HPS5: variants seen among roughly 807,000 people sequenced by gnomAD.
HPS5 encodes the protein BLOC-2 complex member HPS5.
HPS5 carries 83 observed loss-of-function variants against 128.0 expected under a neutral mutation model. That is an observed-to-expected ratio of 0.65 (90% confidence interval 0.54 to 0.78). HPS5 has a LOEUF of 0.78. Among genes scored for constraint, HPS5 ranks in the 30% least tolerant of loss-of-function variants. The pLI is 0.00. For missense variants in HPS5, 1,281 were observed against 1,326.2 expected, an observed-to-expected ratio of 0.97 and a Z score of 0.53; for synonymous variants, 475 against 470.2, an observed-to-expected ratio of 1.01 and a Z score of -0.13.
At chr11:18,297,810 T>A in intron 10 of HPS5, 93 bp from the exon 11 acceptor site, 2 of 1,244,794 alleles carry the variant, frequency 1.6e-6, no homozygotes, top group East Asian at 2.4e-5. Flanking sequence ...CCGGGCACGG[T>A]GGCTCACGCC....
At chr11:18,311,694 G>A (rs2133861608) in intron 3 of HPS5, 1 of 569,974 alleles carries the variant, frequency 1.8e-6, no homozygotes, top group Non-Finnish European at 3.1e-6. Context: ...TGTTTTTAGT[G>A]GAGACGGGGT....
At chr11:18,320,430 TC>T (rs1864185176) in intron 1 of HPS5, among the ~76,000 whole-genome samples, 1 of 152,192 alleles carries the variant, frequency 6.6e-6, no homozygotes, top group African/African-American at 2.4e-5. Flanking sequence ...GCACTCACTC[TC>T]ATGAAGCTGC....
rs1425286932 is a variant in HPS5 at position 18,300,949 on chromosome 11, T to C, written c.897-33A>G. The C allele has an allele frequency of 4.7e-6, 6 of 1,272,088 alleles. No individual in the cohort carries two copies. The East Asian group carries it at 1.4e-4, about 29-fold the overall frequency. 78.8% of individuals were successfully genotyped at this position (1,272,088 alleles called of 1,614,324 possible). Reference sequence around the variant, plus strand: ...AGAAGAAGTGAAGAGAATTCAAGTGTGCTAGGATACAAAAGTTTATAATTC... The same window carrying C: ...AGAAGAAGTGAAGAGAATTCAAGTGCGCTAGGATACAAAAGTTTATAATTC... On this transcript the variant is annotated intron_variant, in intron 8 of 22. Coordinates refer to ENST00000349215, the MANE Select transcript of HPS5 (RefSeq NM_181507.2).
rs1194175926 is a variant in HPS5, at chr11:18,287,981, T to C, written c.2473A>G (p.Met825Val). ...MASSNPVYME[M>V]EKGDLPTRLK... The stretch of plus-strand genomic sequence containing the variant: ...CTTGTTGGTAGATCTCCTTTTTCCA[T>C]CTCCATATACACAGGATTGGAACTT... Residue 825 changes from methionine (M) to valine (V), a missense_variant, in exon 17 of 23, where the codon ATG becomes GTG. By Grantham distance (21) the Met-to-Val change is conservative. Transcript: ENST00000349215. 6.2e-7 allele frequency: 1 copy of C among 1,613,738 alleles called. No individual in the cohort carries two copies. Among genetic ancestry groups the C allele is most frequent in the South Asian group, 1.1e-5 (1 of 91,080 alleles).
chr11:18,298,775 G>C lies in HPS5; in HGVS notation c.1164+17C>G, dbSNP rs372186947. 7.7e-5 allele frequency: 124 copies of C among 1,613,166 alleles called. No homozygotes were observed. In the Admixed American group the frequency reaches 9.8e-4, roughly 13 times the overall value. ...CACCAATCCATGGTAAAGATGTCTAGGTAAGCTCTGACTCACTCTGCTGGC... is the reference window on the plus strand; with the variant it reads ...CACCAATCCATGGTAAAGATGTCTACGTAAGCTCTGACTCACTCTGCTGGC... On this transcript the variant is annotated intron_variant, in intron 10 of 22. Coordinates refer to ENST00000349215, the MANE Select transcript of HPS5 (RefSeq NM_181507.2).
intron 14 of HPS5, among the ~76,000 whole-genome samples, chr11:18,293,269 C>T (rs1232735462): frequency 6.6e-6 from 1 of 152,094 alleles, no homozygotes; most frequent in Admixed American, 6.6e-5. Flanking sequence ...CCCAGGTTCA[C>T]ACCATTCTCC....
chr11:18,301,499 T>G (rs963422802), intron 8 of HPS5, among the ~76,000 whole-genome samples: 165 of 147,182 alleles, frequency 1.1e-3, no homozygotes, highest in Non-Finnish European at 2.2e-3. Flanking sequence ...AAGGCTGGTA[T>G]CTGGAAAAAG....
rs528772619 is a variant in HPS5 at position 18,311,517 on chromosome 11, T to A, written c.220-66A>T. On this transcript the variant is annotated intron_variant, in intron 3 of 22. Transcript: ENST00000349215. The stretch of plus-strand genomic sequence containing the variant: ...TTACATTATTATTATTATTATTTTT[T>A]TTTTTTTTTTTGAGACTGAGTCTCG... 3.6e-3 allele frequency: 3,237 copies of A among 893,036 alleles called. 9 individuals are homozygous for A. The highest frequency in any genetic ancestry group is 6.2e-3 in the South Asian group (276 of 44,654). The allele number at this position is 893,036 out of a possible 1,614,324, so 55.3% of individuals were successfully genotyped here.
rs749425950 is a variant in HPS5 at position 18,295,110 on chromosome 11, T to C, written c.1694A>G (p.Asp565Gly). 3.1e-6 allele frequency: 5 copies of C among 1,614,168 alleles called. No homozygotes were observed. Among genetic ancestry groups the C allele is most frequent in the Non-Finnish European group, 2.5e-6 (3 of 1,180,004 alleles). ...EKIGTLHTSP[D>G]LKVRPELRGD... ...CCTGAGCTCTGGTCTCACTTTCAGA[T>C]CAGGGCTCGTGTGAAGGGTGCCAAT... The change falls in exon 14 of 23, where the codon GAT becomes GGT. Residue 565 changes from aspartate (D) to glycine (G), a missense_variant. Asp to Gly is a moderately conservative substitution (Grantham distance 94, BLOSUM62 -1). Transcript: ENST00000349215.
At position 18,311,508 on chromosome 11, in the gene HPS5, A is replaced by ATTTTT. The variant is rs778669578; in HGVS notation, c.220-58_220-57insAAAAA. The ATTTTT allele has an allele frequency of 1.2e-4, 94 of 780,056 alleles. 1 individual carries two copies. The highest frequency in any genetic ancestry group is 1.7e-4 in the African/African-American group (8 of 46,204). 48.3% of individuals were successfully genotyped at this position (780,056 alleles called of 1,614,324 possible). On this transcript the variant is annotated intron_variant, in intron 3 of 22. Transcript: ENST00000349215. ...TCTCAAGTTTTACATTATTATTATT[A>ATTTTT]TTATTTTTTTTTTTTTTTTTGAGAC...
At chr11:18,308,794 T>C (rs796318065) in intron 6 of HPS5, 152 bp downstream of exon 6, 67 of 705,600 alleles carry the variant, frequency 9.5e-5, no homozygotes, top group Middle Eastern at 3.0e-4. Context: ...CCAGCCTGAG[T>C]GACAGAGTGA....
rs200872830 is a variant in HPS5, at chr11:18,291,513, G to C, written c.2369C>G (p.Ala790Gly). ...GTAACTAAGCTTGATACTCTCCTTCGCTCTTTTCAAGTTCAGGAGAAAAAA... is the reference window on the plus strand; with the variant it reads ...GTAACTAAGCTTGATACTCTCCTTCCCTCTTTTCAAGTTCAGGAGAAAAAA... ...KYFFLLNLKRAKESIKLSYSN... is the reference protein window; with the variant it reads ...KYFFLLNLKRGKESIKLSYSN... The change falls in exon 16 of 23, where the codon GCG (alanine) becomes GGG (glycine). Residue 790 changes from alanine (A) to glycine (G), a missense_variant. Coordinates refer to ENST00000349215, the MANE Select transcript of HPS5 (RefSeq NM_181507.2). The C allele has an allele frequency of 1.2e-6, 2 of 1,611,874 alleles. No individual in the cohort carries two copies. Among genetic ancestry groups the C allele is most frequent in the African/African-American group, 1.3e-5 (1 of 74,872 alleles).
chr11:18,316,714 G>A (rs186724234), intron 2 of HPS5, among the ~76,000 whole-genome samples: 10 of 152,312 alleles, frequency 6.6e-5, no homozygotes, highest in Non-Finnish European at 8.8e-5. Flanking sequence ...AAGTTGCCTT[G>A]GGGAATGCTC....
At chr11:18,305,778 G>A (rs1263471798) in intron 7 of HPS5, among the ~76,000 whole-genome samples, 3 of 148,310 alleles carry the variant, frequency 2.0e-5, no homozygotes, top group Non-Finnish European at 3.0e-5. Context: ...TGTCACCCAC[G>A]CTGGAGTGCA....
chr11:18,311,776 G>A, intron 3 of HPS5, 138 bp downstream of exon 3: 1 of 761,974 alleles, frequency 1.3e-6, no homozygotes, highest in Admixed American at 2.0e-5. Context: ...CTCCCAAAAT[G>A]CTGGGATTAC....
rs767524835 is a variant in HPS5 at position 18,306,231 on chromosome 11, G to C, written c.728C>G (p.Ser243Cys). The change falls in exon 7 of 23, where the codon TCT (serine) becomes TGT (cysteine). Residue 243 changes from serine to cysteine, a missense_variant. Physicochemically the swap from Ser to Cys is moderately radical, Grantham distance 112. Transcript: ENST00000349215. ...QPLIYCARPG[S>C]RMWEVNFDGE... Reference sequence around the variant, plus strand: ...ATCAAAGTTCACTTCCCACATCCTAGAGCCTGGGCGAGCACAATATATCAG... The same window carrying C: ...ATCAAAGTTCACTTCCCACATCCTACAGCCTGGGCGAGCACAATATATCAG... 1.6e-5 allele frequency: 26 copies of C among 1,613,900 alleles called. No individual in the cohort carries two copies. In the East Asian group the frequency reaches 4.0e-4, roughly 25 times the overall value.
chr11:18,283,848 GC>G lies in HPS5; in HGVS notation c.3004del (p.Ala1002ProfsTer8), dbSNP rs1564926605. ...ATTCAGATACACAATATTGGTGAAG[GC>G]CTCTCTTCTTCTCTCCAGCTCCAAA... ...LCLELERRRE[A>X]FTNIVYLNDM... is the part of the protein sequence containing the mutation. On this transcript the variant is annotated frameshift_variant, in exon 21 of 23. Coordinates refer to ENST00000349215, the MANE Select transcript of HPS5 (RefSeq NM_181507.2). LOFTEE classifies it high-confidence loss of function. 6.2e-7 allele frequency: 1 copy of G among 1,613,266 alleles called. No individual in the cohort carries two copies. Among genetic ancestry groups the G allele is most frequent in the East Asian group, 2.2e-5 (1 of 44,858 alleles).
Position 18,288,167 on chromosome 11 carries a change from TAAA to T in HPS5, c.2441-157_2441-155del, listed in dbSNP as rs56697624. Among the ~76,000 whole-genome samples, 21,114 of 152,150 alleles carry T rather than the reference TAAA, an allele frequency of 0.14. 1,558 individuals are homozygous for T. Among genetic ancestry groups the T allele is most frequent in the African/African-American group, 0.19 (7,866 of 41,500 alleles). ...TATTAAGCATTACAAGAGAAACAAA[TAAA>T]AGTACAAGAGATGTAATTTCTACTT... On this transcript the variant is annotated intron_variant, in intron 16 of 22. Transcript: ENST00000349215.
At chr11:18,309,413 G>A (rs1240044790) in intron 5 of HPS5, among the ~76,000 whole-genome samples, 3 of 152,182 alleles carry the variant, frequency 2.0e-5, no homozygotes, top group Non-Finnish European at 4.4e-5. Flanking sequence ...GGGAGGCTGA[G>A]GCAGAAGAAC....
Sources: allele counts gnomAD v4.1 joint callset (sites outside exome capture counted in the v4.1 genomes callset), GRCh38; gene constraint gnomAD v4.1.1; transcripts MANE v1.5; gene names NCBI Gene and HGNC (gene_info 2026-07-23, HGNC 2026-07-21).